OSBP2: variants seen among roughly 807,000 people sequenced by gnomAD.
OSBP2 encodes oxysterol binding protein 2.
Under a neutral mutation model 96.0 loss-of-function variants are expected in OSBP2, and 66 were observed. That is an observed-to-expected ratio of 0.69 (90% CI 0.56 to 0.84). The LOEUF (loss-of-function observed/expected upper bound fraction) is 0.84. Ranked by LOEUF, OSBP2 falls within the 40% of genes least tolerant of loss-of-function variation. The pLI is 0.00. For synonymous variants in OSBP2, 525 were observed against 520.9 expected (o/e 1.01, Z -0.11); for missense variants, 1,038 against 1,222.7 (o/e 0.85, Z 2.25).
At chr22:30,757,906 C>G (rs1182931149) in intron 2 of OSBP2, among the ~76,000 whole-genome samples, 2 of 152,184 alleles carry the variant, frequency 1.3e-5, no homozygotes, top group Admixed American at 1.3e-4. Flanking sequence ...CCCTCATGTG[C>G]AGCTTGTCAG....
rs1410650295 is a variant in OSBP2 at position 30,783,299 on chromosome 22, G to C, written c.853+41930G>C. 3.4e-5 allele frequency among the ~76,000 whole-genome samples: 4 copies of C among 117,856 alleles called. No individual in the cohort carries two copies. In the Admixed American group the frequency reaches 3.4e-4, roughly 10 times the overall value. The allele number at this position is 117,856 out of a possible 152,430, so 77.3% of individuals were successfully genotyped here. A position where few individuals can be genotyped will look rare whatever the true frequency, so the allele number is the denominator to read the frequency against. On this transcript the variant is annotated intron_variant, in intron 2 of 13. Coordinates refer to ENST00000332585, the MANE Select transcript of OSBP2 (RefSeq NM_030758.4). ...TCAGAGGCAGGGAGTCTCATTCAGA[G>C]AGCTTTTTTTTTTTTTTTTTTTTTT...
chr22:30,694,055 G>A (rs763184567), upstream of OSBP2: 298 of 1,534,850 alleles, frequency 1.9e-4, no homozygotes, highest in Middle Eastern at 3.3e-4. Flanking sequence ...GACCTACTCT[G>A]GAAAAATGCA....
chr22:30,699,625 C>T (rs142334142), intron 1 of OSBP2, among the ~76,000 whole-genome samples: 19 of 152,260 alleles, frequency 1.2e-4, no homozygotes, highest in Non-Finnish European at 5.9e-5. Flanking sequence ...CATTGTAGTC[C>T]TGACCTGCAT....
At chr22:30,703,649 T>C (rs2089198968) in intron 1 of OSBP2, among the ~76,000 whole-genome samples, 1 of 152,126 alleles carries the variant, frequency 6.6e-6, no homozygotes, top group Admixed American at 6.5e-5. Flanking sequence ...CTAATTTTTG[T>C]ATTTTTAGTA....
chr22:30,755,890 T>A (rs2090134217), intron 2 of OSBP2, among the ~76,000 whole-genome samples: 1 of 152,150 alleles, frequency 6.6e-6, no homozygotes, highest in Admixed American at 6.5e-5. Context: ...AGCCCTCAGG[T>A]CCACCAGGGC....
At chr22:30,739,072 G>C (rs573177798) in intron 1 of OSBP2, among the ~76,000 whole-genome samples, 1 of 152,154 alleles carries the variant, frequency 6.6e-6, no homozygotes, top group African/African-American at 2.4e-5. Flanking sequence ...TTATTATGTC[G>C]TAGGGGTTCT....
At chr22:30,858,788 A>C (rs12165942) in intron 2 of OSBP2, among the ~76,000 whole-genome samples, 26,344 of 151,292 alleles carry the variant, frequency 0.17, 2,520 homozygotes, top group African/African-American at 0.25. Context: ...CTGAGGCAGG[A>C]GAACTGCTTG....
chr22:30,826,094 G>T (rs2038399285), intron 2 of OSBP2, among the ~76,000 whole-genome samples: 1 of 152,160 alleles, frequency 6.6e-6, no homozygotes, highest in Non-Finnish European at 1.5e-5. Context: ...AGGGGTTATT[G>T]TTTTTGATGA....
At chr22:30,704,928 C>G (rs900507871) in intron 1 of OSBP2, among the ~76,000 whole-genome samples, 2 of 152,200 alleles carry the variant, frequency 1.3e-5, no homozygotes, top group Non-Finnish European at 2.9e-5. Flanking sequence ...TGTGTGAACT[C>G]TTTTCTGCAC....
At chr22:30,866,373 C>G (rs921875329) in intron 2 of OSBP2, among the ~76,000 whole-genome samples, 7 of 152,226 alleles carry the variant, frequency 4.6e-5, no homozygotes, top group Non-Finnish European at 1.0e-4. Flanking sequence ...TCCCCTGGAG[C>G]CTCCAGAGTG....
At chr22:30,785,864 G>T (rs1475055697) in intron 2 of OSBP2, among the ~76,000 whole-genome samples, 1 of 152,108 alleles carries the variant, frequency 6.6e-6, no homozygotes, top group East Asian at 1.9e-4. Flanking sequence ...TGTGAAGAAG[G>T]TGCTTCTTTC....
At chr22:30,893,092 G>A (rs2039983902) in intron 8 of OSBP2, 30 bp from the exon 9 acceptor site, 1 of 1,610,244 alleles carries the variant, frequency 6.2e-7, no homozygotes, top group African/African-American at 1.3e-5. Flanking sequence ...ATGTCTGGCA[G>A]ATGCTCACAT....
At chr22:30,837,861 A>G (rs572234392) in intron 2 of OSBP2, among the ~76,000 whole-genome samples, 1 of 152,312 alleles carries the variant, frequency 6.6e-6, no homozygotes, top group East Asian at 1.9e-4. Flanking sequence ...TTGGTTGGGC[A>G]TGTGAACCCT....
intron 1 of OSBP2, among the ~76,000 whole-genome samples, chr22:30,716,441 G>T (rs77264882): frequency 6.6e-6 from 1 of 150,936 alleles, no homozygotes; most frequent in African/African-American, 2.4e-5. Flanking sequence ...GTTTTGTTTT[G>T]TTTTTTGTTT....
chr22:30,802,302 A>G (rs969398994), intron 2 of OSBP2, among the ~76,000 whole-genome samples: 9 of 152,192 alleles, frequency 5.9e-5, no homozygotes, highest in African/African-American at 2.2e-4. Context: ...ATCAGGCTCT[A>G]GCAGTCCCGT....
At chr22:30,885,873 C>A (rs1472758251) in intron 3 of OSBP2, among the ~76,000 whole-genome samples, 2 of 152,214 alleles carry the variant, frequency 1.3e-5, no homozygotes, top group African/African-American at 4.8e-5. Flanking sequence ...GCATCCTGAC[C>A]GTGGGAGGCC....
intron 2 of OSBP2, among the ~76,000 whole-genome samples, chr22:30,783,483 G>A (rs919802291): frequency 2.6e-5 from 4 of 151,404 alleles, no homozygotes; most frequent in Non-Finnish European, 5.9e-5. Context: ...CACCATGGCC[G>A]GCTAATTTTT....
chr22:30,819,259 C>G (rs908863036), intron 2 of OSBP2, among the ~76,000 whole-genome samples: 9 of 152,130 alleles, frequency 5.9e-5, no homozygotes, highest in Admixed American at 5.9e-4. Context: ...GGCTTGAACC[C>G]GGGAGGCAGA....
At chr22:30,810,399 C>G (rs1221776406) in intron 2 of OSBP2, among the ~76,000 whole-genome samples, 2 of 152,140 alleles carry the variant, frequency 1.3e-5, no homozygotes, top group Non-Finnish European at 2.9e-5. Flanking sequence ...ATGACACCCT[C>G]TATCCATTTC....
Sources: gnomAD v4.1 joint callset for allele counts (sites outside exome capture counted in the v4.1 genomes callset) on GRCh38, gnomAD v4.1.1 for gene constraint, MANE v1.5 for transcripts, NCBI Gene and HGNC (gene_info 2026-07-23, HGNC 2026-07-21) for gene names.